LRRIQ1: variants seen among roughly 807,000 people sequenced by gnomAD.
The protein encoded by LRRIQ1 is leucine rich repeats and IQ motif containing 1.
Under a neutral mutation model 211.9 loss-of-function variants are expected in LRRIQ1, and 210 were observed. The observed-to-expected ratio is 0.99, with a 90% CI of 0.89 to 1.11. LRRIQ1 has a LOEUF of 1.11. Ranked by LOEUF, LRRIQ1 falls within the 50% of genes most tolerant of loss-of-function variation. The probability of loss-of-function intolerance (pLI) is 0.00; values close to 1 mark genes in which losing one functional copy is unlikely to be tolerated. For synonymous variants in LRRIQ1, 699 were observed against 650.1 expected (o/e 1.08, Z -1.14); for missense variants, 2,136 against 1,939.5 (o/e 1.10, Z -1.90).
At chr12:85,060,888 A>T (rs917200420) in intron 8 of LRRIQ1, among the ~76,000 whole-genome samples, 1 of 151,914 alleles carries the variant, frequency 6.6e-6, no homozygotes. Context: ...AGGGAATTTT[A>T]TCTACAATGG....
intron 24 of LRRIQ1, among the ~76,000 whole-genome samples, chr12:85,174,032 C>T (rs1361657635): frequency 6.6e-6 from 1 of 151,886 alleles, no homozygotes; most frequent in South Asian, 2.1e-4. Context: ...ACTTTATAGA[C>T]CCCCACTCTA....
intron 1 of LRRIQ1, among the ~76,000 whole-genome samples, chr12:85,250,562 G>T (rs977148897): frequency 6.7e-6 from 1 of 150,178 alleles, no homozygotes; most frequent in African/African-American, 2.4e-5. Flanking sequence ...CAACATAGTG[G>T]GATCCTTACC....
intron 11 of LRRIQ1, among the ~76,000 whole-genome samples, chr12:85,088,414 G>T (rs1420069153): frequency 2.0e-5 from 3 of 152,152 alleles, no homozygotes; most frequent in African/African-American, 4.8e-5. Context: ...GCTTAGGATT[G>T]TGTTGGCAAT....
intron 1 of LRRIQ1, among the ~76,000 whole-genome samples, chr12:85,262,695 A>C (rs1372276239): frequency 6.6e-6 from 1 of 152,170 alleles, no homozygotes; most frequent in African/African-American, 2.4e-5. Context: ...TAATATTTTT[A>C]GTACCCTCCC....
intron 15 of LRRIQ1, among the ~76,000 whole-genome samples, chr12:85,111,339 T>C (rs1019406553): frequency 6.6e-6 from 1 of 152,112 alleles, no homozygotes; most frequent in Non-Finnish European, 1.5e-5. Context: ...CGTTGACTGG[T>C]TCCATTCATG....
intron 25 of LRRIQ1, among the ~76,000 whole-genome samples, chr12:85,230,238 T>A (rs1894865744): frequency 6.6e-6 from 1 of 152,220 alleles, no homozygotes; most frequent in African/African-American, 2.4e-5. Context: ...TGTACCATTT[T>A]GCTAGGGCTG....
intron 19 of LRRIQ1, among the ~76,000 whole-genome samples, chr12:85,150,927 A>G (rs1890200376): frequency 6.6e-6 from 1 of 151,572 alleles, no homozygotes; most frequent in Admixed American, 6.6e-5. Context: ...GAGCTTATTA[A>G]CATGTGCGTT....
At chr12:85,120,951 T>C (rs1052500553) in intron 15 of LRRIQ1, among the ~76,000 whole-genome samples, 1 of 151,546 alleles carries the variant, frequency 6.6e-6, no homozygotes, top group Admixed American at 6.7e-5. Flanking sequence ...TGTTTGTTTG[T>C]TTTTTGTTTT....
intron 11 of LRRIQ1, chr12:85,076,445 CTTTAA>C (rs1370706544): frequency 6.2e-6 from 1 of 161,702 alleles, no homozygotes; most frequent in Non-Finnish European, 1.3e-5. Context: ...AAAAATATTT[CTTTAA>C]TTTAAGCAAT....
intron 11 of LRRIQ1, among the ~76,000 whole-genome samples, chr12:85,092,954 C>T (rs911329490): frequency 6.6e-6 from 1 of 152,102 alleles, no homozygotes; most frequent in Admixed American, 6.6e-5. Context: ...CCTCTTTTGG[C>T]TAGCACCATA....
chr12:85,118,685 T>G (rs1296153620), intron 15 of LRRIQ1, among the ~76,000 whole-genome samples: 1 of 152,092 alleles, frequency 6.6e-6, no homozygotes, highest in African/African-American at 2.4e-5. Context: ...CATATACATA[T>G]GCTAAAATTA....
intron 15 of LRRIQ1, among the ~76,000 whole-genome samples, chr12:85,109,135 G>C (rs1886990210): frequency 6.6e-6 from 1 of 152,076 alleles, no homozygotes; most frequent in African/African-American, 2.4e-5. Flanking sequence ...TAAATGTCTG[G>C]TTATGTTTAA....
rs1166448060 is a variant in LRRIQ1 at position 85,232,765 on chromosome 12, T to C, written c.5016+9T>C. 5.0e-6 allele frequency: 8 copies of C among 1,608,466 alleles called. No homozygotes were observed. The highest frequency in any genetic ancestry group is 6.8e-6 in the Non-Finnish European group (8 of 1,175,474). On this transcript the variant is annotated intron_variant, in intron 26 of 26. Transcript: ENST00000393217. ...GAAGAGTTCAGCTTGTGGTAAGAAA[T>C]GTGCTTAAAGTTACAGAAAAATGTT...
At chr12:85,236,829 G>GTATATATATATATATATATATATATATA (rs1565921248) in intron 26 of LRRIQ1, among the ~76,000 whole-genome samples, 7 of 60,478 alleles carry the variant, frequency 1.2e-4, no homozygotes, top group African/African-American at 9.8e-4. Flanking sequence ...GTGTATGTGT[G>GTATATATATATATATATATATATATATA]CATATATATA....
intron 24 of LRRIQ1, among the ~76,000 whole-genome samples, chr12:85,175,261 T>C (rs1029592384): frequency 5.3e-5 from 8 of 152,120 alleles, no homozygotes; most frequent in Non-Finnish European, 4.4e-5. Flanking sequence ...TTCATGATGA[T>C]AGTGAAAAGA....
At chr12:85,243,719 G>A (rs914684694) in intron 26 of LRRIQ1, among the ~76,000 whole-genome samples, 4 of 151,420 alleles carry the variant, frequency 2.6e-5, no homozygotes, top group African/African-American at 9.7e-5. Flanking sequence ...TGGAAAAATA[G>A]AAGTATATTA....
chr12:85,217,072 T>C (rs1216007764), intron 24 of LRRIQ1, among the ~76,000 whole-genome samples: 1 of 151,904 alleles, frequency 6.6e-6, no homozygotes, highest in African/African-American at 2.4e-5. Flanking sequence ...TATTTTAATA[T>C]ATATTCAGTA....
intron 3 of LRRIQ1, among the ~76,000 whole-genome samples, chr12:85,041,426 A>G (rs2135879011): frequency 6.6e-6 from 1 of 151,698 alleles, no homozygotes; most frequent in South Asian, 2.1e-4. Context: ...ATGTAAGGAG[A>G]TAGAGACTGG....
chr12:85,066,740 T>C lies in LRRIQ1; in HGVS notation c.2545-8T>C, dbSNP rs1555200368. On this transcript the variant is annotated splice_region_variant and splice_polypyrimidine_tract_variant and intron_variant, in intron 9 of 26. Coordinates refer to ENST00000393217, the MANE Select transcript of LRRIQ1 (RefSeq NM_001079910.2). ...AATAAAACTAATTACATTTGTTCTT[T>C]GCTTCAGGAAAACCATATTGAGGCT... 1 of 1,579,646 alleles carries C rather than the reference T, an allele frequency of 6.3e-7. No homozygotes were observed. Among genetic ancestry groups the C allele is most frequent in the Non-Finnish European group, 8.6e-7 (1 of 1,166,940 alleles).
Sources: gnomAD v4.1 joint callset for allele counts (sites outside exome capture counted in the v4.1 genomes callset) on GRCh38, gnomAD v4.1.1 for gene constraint, MANE v1.5 for transcripts, NCBI Gene and HGNC (gene_info 2026-07-23, HGNC 2026-07-21) for gene names.